Variants in ZNF282 observed in about 807,000 individuals in gnomAD.
The protein encoded by ZNF282 is HTLV-I U5 repressive element-binding protein 1.
In ZNF282, 30 loss-of-function variants were observed where a neutral mutation model predicts 61.9. The observed-to-expected ratio is 0.48, with a 90% CI of 0.36 to 0.66. The LOEUF (loss-of-function observed/expected upper bound fraction) is 0.66. Among genes scored for constraint, ZNF282 ranks in the 30% least tolerant of loss-of-function variants. ZNF282 has a pLI of 0.00. For missense variants in ZNF282, 788 were observed against 941.4 expected, an observed-to-expected ratio of 0.84 and a Z score of 2.13; for synonymous variants, 396 against 405.0, an observed-to-expected ratio of 0.98 and a Z score of 0.27.
intron 7 of ZNF282, among the ~76,000 whole-genome samples, chr7:149,214,861 C>G (rs774777760): frequency 3.9e-5 from 6 of 152,028 alleles, no homozygotes; most frequent in Admixed American, 2.6e-4. Flanking sequence ...ACAAAAAACA[C>G]TAGAAGTACC....
chr7:149,195,768 G>A lies in ZNF282; in HGVS notation c.165+14G>A. 1 of 1,483,720 alleles carries A rather than the reference G, an allele frequency of 6.7e-7. No individual in the cohort carries two copies. The highest frequency in any genetic ancestry group is 1.5e-5 in the African/African-American group (1 of 67,870). The allele number at this position is 1,483,720 out of a possible 1,614,324, so 91.9% of individuals were successfully genotyped here. A position where few individuals can be genotyped will look rare whatever the true frequency, so the allele number is the denominator to read the frequency against. ...CCGCCCATGCAGGTGGGAGAACCCC[G>A]CCGGCGCCATGGCCGCGCTGCCGTG... On this transcript the variant is annotated intron_variant, in intron 1 of 7. Transcript: ENST00000610704.
chr7:149,224,346 G>A lies in ZNF282; in HGVS notation c.1715G>A (p.Arg572Gln), dbSNP rs1796323831. Reference sequence around the variant, plus strand: ...CACCAGATGACGCACCGCGGCGAGCGGCCCTACAAGTGCTCGGAGTGCGAG... The same window carrying A: ...CACCAGATGACGCACCGCGGCGAGCAGCCCTACAAGTGCTCGGAGTGCGAG... ...IRHQMTHRGE[R>Q]PYKCSECEKT... Residue 572 changes from arginine to glutamine, a missense_variant, in exon 8 of 8, where the codon CGG becomes CAG. Coordinates refer to ENST00000610704, the MANE Select transcript of ZNF282 (RefSeq NM_003575.4). The A allele has an allele frequency of 1.2e-6, 2 of 1,613,704 alleles. No homozygotes were observed. Among genetic ancestry groups the A allele is most frequent in the Non-Finnish European group, 8.5e-7 (1 of 1,179,944 alleles).
rs1408306985 is a variant in ZNF282, at chr7:149,224,937, G to T, written c.*290G>T. On this transcript the variant is annotated 3_prime_UTR_variant, in exon 8 of 8. Coordinates refer to ENST00000610704, the MANE Select transcript of ZNF282 (RefSeq NM_003575.4). ...CTCCTCGAGTGCCCTGGGACCACTG[G>T]GCCACAGATGGTCATCAGGGGAAGC... The T allele has an allele frequency of 4.5e-5, 19 of 423,728 alleles. No individual in the cohort carries two copies. Among genetic ancestry groups the T allele is most frequent in the Non-Finnish European group, 1.7e-5 (4 of 237,940 alleles). The allele number at this position is 423,728 out of a possible 1,614,324, so 26.2% of individuals were successfully genotyped here. A position where few individuals can be genotyped will look rare whatever the true frequency, so the allele number is the denominator to read the frequency against.
rs1288862415 is a variant in ZNF282 at position 149,224,572 on chromosome 7, C to G, written c.1941C>G (p.Asp647Glu). Residue 647 changes from aspartate (D) to glutamate (E), a missense_variant, in exon 8 of 8, where the codon GAC (aspartate) becomes GAG (glutamate). Coordinates refer to ENST00000610704, the MANE Select transcript of ZNF282 (RefSeq NM_003575.4). ...KSFRYKESLK[D>E]HLRVHSGGPG... ...TCCGCTACAAGGAGTCGCTCAAGGA[C>G]CACCTGCGCGTGCACAGCGGCGGCC... 1 of 1,601,622 alleles carries G rather than the reference C, an allele frequency of 6.2e-7. No homozygotes were observed. The highest frequency in any genetic ancestry group is 1.7e-5 in the Admixed American group (1 of 58,720).
chr7:149,207,204 A>AGG (rs1796005155), intron 3 of ZNF282, 147 bp from the exon 4 acceptor site: 1 of 989,748 alleles, frequency 1.0e-6, no homozygotes, highest in Non-Finnish European at 1.4e-6. Context: ...TCGTTTTCAG[A>AGG]TTACCCGCCT....
chr7:149,199,888 CTTTTT>C (rs374619138), intron 2 of ZNF282, among the ~76,000 whole-genome samples: 2 of 149,138 alleles, frequency 1.3e-5, no homozygotes, highest in Admixed American at 6.7e-5. Flanking sequence ...GGTAAAGACT[CTTTTT>C]TTTTTAAGTG....
At chr7:149,215,194 C>CTTTTTTTTT (rs1269173207) in intron 7 of ZNF282, among the ~76,000 whole-genome samples, 1 of 120,114 alleles carries the variant, frequency 8.3e-6, no homozygotes, top group African/African-American at 2.8e-5. Flanking sequence ...TATTTCCTGA[C>CTTTTTTTTT]ATTTTTTTTT....
At chr7:149,200,487 C>T (rs1795890530) in intron 2 of ZNF282, among the ~76,000 whole-genome samples, 1 of 152,164 alleles carries the variant, frequency 6.6e-6, no homozygotes, top group African/African-American at 2.4e-5. Flanking sequence ...CCTCCTTTGG[C>T]CAGCTTTCTA....
intron 7 of ZNF282, among the ~76,000 whole-genome samples, chr7:149,221,766 C>T (rs1796256308): frequency 6.6e-6 from 1 of 152,028 alleles, no homozygotes; most frequent in African/African-American, 2.4e-5. Context: ...GGAGGGCAGG[C>T]CCAGTCTATT....
chr7:149,195,794 G>GGGGCGGGGCGC, intron 1 of ZNF282, 40 bp downstream of exon 1: 3 of 1,434,836 alleles, frequency 2.1e-6, no homozygotes, highest in Non-Finnish European at 2.7e-6. Context: ...CGCTGCCGTG[G>GGGGCGGGGCGC]GGGCGGGGCG....
chr7:149,218,090 G>A (rs1316703136), intron 7 of ZNF282, among the ~76,000 whole-genome samples: 7 of 146,952 alleles, frequency 4.8e-5, no homozygotes, highest in South Asian at 2.2e-4. Flanking sequence ...GTAACAAAGC[G>A]AGACCCTGTC....
rs202097556 is a variant in ZNF282 at position 149,224,437 on chromosome 7, C to T, written c.1806C>T (p.Phe602=). 9 of 1,613,940 alleles carry T rather than the reference C, an allele frequency of 5.6e-6. No homozygotes were observed. Among genetic ancestry groups the T allele is most frequent in the Non-Finnish European group, 7.6e-6 (9 of 1,179,968 alleles). The change falls in exon 8 of 8, where the codon TTC becomes TTT. Residue 602 remains phenylalanine (F), a synonymous_variant. Coordinates refer to ENST00000610704, the MANE Select transcript of ZNF282 (RefSeq NM_003575.4). ...GGCTGCACACGGGCGAGCGGCCTTT[C>T]CAATGTGCACTGTGCGGCAAGAGCT... ...HQRLHTGERP[F]QCALCGKSFI... is the part of the protein sequence containing the mutation.
At chr7:149,201,564 C>A (rs1344076884) in intron 2 of ZNF282, among the ~76,000 whole-genome samples, 1 of 152,130 alleles carries the variant, frequency 6.6e-6, no homozygotes, top group Non-Finnish European at 1.5e-5. Context: ...CCAGCCTGGC[C>A]AACATGGTGA....
chr7:149,199,347 G>T (rs1328177547), intron 2 of ZNF282, among the ~76,000 whole-genome samples: 1 of 152,110 alleles, frequency 6.6e-6, no homozygotes, highest in Non-Finnish European at 1.5e-5. Context: ...TCCATCTGCT[G>T]CTCGGTGGCC....
At chr7:149,211,154 AG>A (rs1796078203) in intron 5 of ZNF282, among the ~76,000 whole-genome samples, 1 of 152,224 alleles carries the variant, frequency 6.6e-6, no homozygotes, top group African/African-American at 2.4e-5. Context: ...CGGTCCTGTG[AG>A]GGACCTCCTC....
intron 1 of ZNF282, among the ~76,000 whole-genome samples, chr7:149,197,987 C>G (rs1264449344): frequency 6.6e-6 from 1 of 152,250 alleles, no homozygotes; most frequent in Non-Finnish European, 1.5e-5. Context: ...TAGGCAAATA[C>G]AAAGTTCGTC....
chr7:149,203,885 G>A (rs368215159), intron 2 of ZNF282, among the ~76,000 whole-genome samples: 4 of 152,302 alleles, frequency 2.6e-5, no homozygotes, highest in East Asian at 1.9e-4. Flanking sequence ...GTAGATTATT[G>A]TGTTAGTTAC....
chr7:149,198,524 G>C lies in ZNF282; in HGVS notation c.357G>C (p.Leu119=). Reference sequence around the variant, plus strand: ...AGGTGGATGCCCAGGCCAGCCAGCTGCTGAACCTGGAGGGGCGCACGGGGA... The same window carrying C: ...AGGTGGATGCCCAGGCCAGCCAGCTCCTGAACCTGGAGGGGCGCACGGGGA... The part of the protein sequence containing the change: ...ERKVDAQASQ[L]LNLEGRTGTA... Residue 119 remains leucine (L), a synonymous_variant, in exon 2 of 8, where the codon CTG becomes CTC. Coordinates refer to ENST00000610704, the MANE Select transcript of ZNF282 (RefSeq NM_003575.4). This position sits in a 1 kb window ranked among gnomAD's most constrained non-coding sequence, Gnocchi z 4.3. The C allele has an allele frequency of 6.2e-7, 1 of 1,614,240 alleles. No homozygotes were observed. The highest frequency in any genetic ancestry group is 8.5e-7 in the Non-Finnish European group (1 of 1,180,040).
chr7:149,212,623 C>T (rs1796106101), intron 6 of ZNF282, 152 bp downstream of exon 6: 1 of 640,674 alleles, frequency 1.6e-6, no homozygotes, highest in Non-Finnish European at 2.6e-6. Flanking sequence ...CTCTGTTGTT[C>T]AGGCTGGAGT....
Sources: gnomAD v4.1 joint callset for allele counts (sites outside exome capture counted in the v4.1 genomes callset) on GRCh38, gnomAD v4.1.1 for gene constraint, Gnocchi (gnomAD v3.1) non-coding constraint, MANE v1.5 for transcripts, NCBI Gene and HGNC (gene_info 2026-07-23, HGNC 2026-07-21) for gene names.